BRWD1: variants seen among roughly 807,000 people sequenced by gnomAD.
BRWD1 encodes bromodomain and WD repeat-containing protein 1.
In BRWD1, 82 loss-of-function variants were observed where a neutral mutation model predicts 251.2. The observed-to-expected ratio is 0.33, with a 90% CI of 0.27 to 0.39. BRWD1 has a LOEUF of 0.39. Among genes scored for constraint, BRWD1 ranks in the 10% least tolerant of loss-of-function variants. BRWD1 has a pLI of 1.00. For missense variants in BRWD1, 2,233 were observed against 2,711.6 expected, an observed-to-expected ratio of 0.82 and a Z score of 3.92; for synonymous variants, 918 against 902.8, an observed-to-expected ratio of 1.02 and a Z score of -0.30.
At chr21:39,321,032 A>G (rs2036741226) in exon 1 of BRWD1, 1 of 152,050 alleles carries the variant, frequency 6.6e-6, no homozygotes, top group Non-Finnish European at 1.5e-5. Context: ...TTACCTTCAA[A>G]ATGTATCCAG....
At chr21:39,279,735 T>C (rs562362159) in intron 9 of BRWD1, among the ~76,000 whole-genome samples, 2 of 151,622 alleles carry the variant, frequency 1.3e-5, no homozygotes, top group African/African-American at 4.8e-5. Flanking sequence ...TAAATTTAAA[T>C]TATCAATTCA....
chr21:39,320,739 C>T (rs1459610712), intron 1 of BRWD1, among the ~76,000 whole-genome samples: 1 of 145,702 alleles, frequency 6.9e-6, no homozygotes, highest in Non-Finnish European at 1.5e-5. Context: ...GGCATGATCT[C>T]GGCTCACTAC....
At chr21:39,204,872 A>C (rs2032315832) in intron 37 of BRWD1, among the ~76,000 whole-genome samples, 1 of 152,164 alleles carries the variant, frequency 6.6e-6, no homozygotes, top group African/African-American at 2.4e-5. Flanking sequence ...AGCAGACAGA[A>C]CTCAGGTGGT....
intron 17 of BRWD1, among the ~76,000 whole-genome samples, chr21:39,261,639 C>T (rs747276090): frequency 5.3e-5 from 8 of 152,120 alleles, no homozygotes; most frequent in African/African-American, 1.7e-4. Flanking sequence ...GCAGATACAC[C>T]TATGGGTCTG....
At chr21:39,233,525 C>T (rs897225599) in intron 23 of BRWD1, among the ~76,000 whole-genome samples, 18 of 151,950 alleles carry the variant, frequency 1.2e-4, no homozygotes, top group Admixed American at 9.8e-4. Context: ...AAATGGTAAA[C>T]GTAGCAATAA....
chr21:39,218,450 C>A, intron 30 of BRWD1, 55 bp downstream of exon 30: 1 of 1,489,720 alleles, frequency 6.7e-7, no homozygotes, highest in South Asian at 1.3e-5. Flanking sequence ...TTTTAAATAC[C>A]TTTATGAAAA....
At position 39,190,754 on chromosome 21, in the gene BRWD1, T is replaced by C; in HGVS notation, c.*5505A>G. 1.0e-5 allele frequency: 10 copies of C among 985,416 alleles called. No individual in the cohort carries two copies. Among genetic ancestry groups the C allele is most frequent in the Non-Finnish European group, 1.1e-5 (9 of 829,918 alleles). The allele number at this position is 985,416 out of a possible 1,614,324, so 61.0% of individuals were successfully genotyped here. The stretch of plus-strand genomic sequence containing the variant: ...AATGGTTTCTGTAACTTGCTGTGTT[T>C]TTAAACAGTTCCGTTTTCTAGGGGG... On this transcript the variant is annotated 3_prime_UTR_variant, in exon 41 of 41. Transcript: ENST00000342449.
chr21:39,235,321 T>C (rs754860023), intron 23 of BRWD1: 3 of 152,226 alleles, frequency 2.0e-5, no homozygotes, highest in Non-Finnish European at 4.4e-5. Flanking sequence ...TGCATGTGTG[T>C]TTTGTCTCCA....
At chr21:39,222,972 C>A (rs34599551) in intron 29 of BRWD1, among the ~76,000 whole-genome samples, 48,512 of 151,758 alleles carry the variant, frequency 0.32, 8,221 homozygotes, top group Middle Eastern at 0.36. Flanking sequence ...AAATTTAATC[C>A]AGAAAAACAT....
chr21:39,228,388 G>A (rs1024593731), intron 27 of BRWD1, 112 bp downstream of exon 27: 4 of 687,706 alleles, frequency 5.8e-6, no homozygotes, highest in Admixed American at 2.7e-5. Flanking sequence ...TATCTCTTCT[G>A]GAATTTACAT....
At chr21:39,311,340 T>C (rs2036477770) in intron 4 of BRWD1, among the ~76,000 whole-genome samples, 1 of 152,024 alleles carries the variant, frequency 6.6e-6, no homozygotes, top group Non-Finnish European at 1.5e-5. Context: ...CCTAATTTTC[T>C]GTTACTTATT....
intron 28 of BRWD1, 96 bp from the exon 29 acceptor site, chr21:39,224,565 C>T: frequency 1.4e-6 from 1 of 739,792 alleles, no homozygotes; most frequent in Non-Finnish European, 2.3e-6. Flanking sequence ...GAAAATTAAC[C>T]TCACTGCAGC....
Position 39,190,314 on chromosome 21 carries a change from A to G in BRWD1, c.*5945T>C. On this transcript the variant is annotated 3_prime_UTR_variant, in exon 41 of 41. Transcript: ENST00000342449. ...AAACTGTTTTCCTAAATTCAAAGTA[A>G]ACTGCATATGGTTACTACAGAAGCA... The G allele has an allele frequency of 1.0e-6, 1 of 985,094 alleles. No individual in the cohort carries two copies. The highest frequency in any genetic ancestry group is 1.2e-6 in the Non-Finnish European group (1 of 829,646). 61.0% of individuals were successfully genotyped at this position (985,094 alleles called of 1,614,324 possible).
chr21:39,265,045 T>G, intron 15 of BRWD1, 26 bp from the exon 16 acceptor site: 1 of 1,606,732 alleles, frequency 6.2e-7, no homozygotes, highest in South Asian at 1.1e-5. Flanking sequence ...GGAAAAAAGT[T>G]AGGACCAATT....
At position 39,195,900 on chromosome 21, in the gene BRWD1, G is replaced by A. The variant is rs2031788537; in HGVS notation, c.*359C>T. On this transcript the variant is annotated 3_prime_UTR_variant, in exon 41 of 41. Coordinates refer to ENST00000342449, the MANE Select transcript of BRWD1 (RefSeq NM_033656.4). ...AGGGGTTAGAAACTACTGCCTCTTT[G>A]ACAAATTCAGAAAATAACTGCATGA... 3.0e-6 allele frequency: 3 copies of A among 1,006,228 alleles called. No individual in the cohort carries two copies. The highest frequency in any genetic ancestry group is 4.4e-5 in the South Asian group (1 of 22,524). 62.3% of individuals were successfully genotyped at this position (1,006,228 alleles called of 1,614,324 possible).
At chr21:39,252,344 C>T (rs1359670950) in intron 19 of BRWD1, among the ~76,000 whole-genome samples, 1 of 151,956 alleles carries the variant, frequency 6.6e-6, no homozygotes, top group Non-Finnish European at 1.5e-5. Flanking sequence ...AAAAGAATTA[C>T]TTATACTGGC....
chr21:39,295,843 C>A lies in BRWD1; in HGVS notation c.509G>T (p.Gly170Val). The change falls in exon 7 of 41, where the codon GGA becomes GTA. Residue 170 changes from glycine (G) to valine (V), a missense_variant. This residue lies in a region of BRWD1 where 185 missense variants were observed against 260.6 expected (regional missense o/e 0.71). Transcript: ENST00000342449. ...GCSTFSTAFP[G>V]TMYQHIKMHR... is the part of the protein sequence containing the mutation. Reference sequence around the variant, plus strand: ...CATTTTTATATGCTGATACATAGTTCCTGGAAATGCTGTACTAAAAGTGGA... The same window carrying A: ...CATTTTTATATGCTGATACATAGTTACTGGAAATGCTGTACTAAAAGTGGA... 1 of 1,609,656 alleles carries A rather than the reference C, an allele frequency of 6.2e-7. No individual in the cohort carries two copies. The highest frequency in any genetic ancestry group is 8.5e-7 in the Non-Finnish European group (1 of 1,177,342).
rs73903912 is a variant in BRWD1, at chr21:39,298,033, A to G, written c.349+399T>C. On this transcript the variant is annotated intron_variant, in intron 5 of 40. Coordinates refer to ENST00000342449, the MANE Select transcript of BRWD1 (RefSeq NM_033656.4). The stretch of plus-strand genomic sequence containing the variant: ...CAAATTTAGAAAATCACTTCCCTTT[A>G]TAACAAAGGGCTTTCAGAAGCTAAA... The G allele has an allele frequency of 0.012, 11,451 of 986,358 alleles. 1,018 individuals carry two copies. The African/African-American group carries it at 0.18, about 16-fold the overall frequency. The allele number at this position is 986,358 out of a possible 1,614,324, so 61.1% of individuals were successfully genotyped here.
chr21:39,251,593 T>C (rs1245677520), intron 19 of BRWD1, among the ~76,000 whole-genome samples: 1 of 152,188 alleles, frequency 6.6e-6, no homozygotes, highest in Non-Finnish European at 1.5e-5. Context: ...GCTGTAAGGA[T>C]AAAAACTGAT....
Sources: allele counts gnomAD v4.1 joint callset (sites outside exome capture counted in the v4.1 genomes callset), GRCh38; gene constraint gnomAD v4.1.1; regional missense constraint gnomAD v4.1.1; transcripts MANE v1.5; gene names NCBI Gene and HGNC (gene_info 2026-07-23, HGNC 2026-07-21).